ANK2: variants seen among roughly 807,000 people sequenced by gnomAD.
ANK2 encodes ankyrin 2.
A neutral mutation model predicts 360.5 loss-of-function variants in ANK2; 83 were observed. The ratio of observed to expected loss-of-function variants is 0.23; its 90% confidence interval spans 0.19 to 0.28. The LOEUF (loss-of-function observed/expected upper bound fraction) is 0.28. ANK2 is among the 10% of genes least tolerant of loss of function. The pLI, the probability that ANK2 is intolerant of heterozygous loss-of-function variation, is 1.00. For missense variants in ANK2, 4,201 were observed against 4,795.7 expected (o/e 0.88, Z 3.66); for synonymous variants, 1,740 against 1,759.5 (o/e 0.99, Z 0.28).
chr4:113,216,262 A>G (rs1227368500), intron 4 of ANK2, among the ~76,000 whole-genome samples: 2 of 152,244 alleles, frequency 1.3e-5, no homozygotes, highest in Non-Finnish European at 2.9e-5. Flanking sequence ...GAACTGTTTG[A>G]GGCCAAGCTA....
intron 1 of ANK2, among the ~76,000 whole-genome samples, chr4:112,832,909 T>A (rs2060110701): frequency 6.6e-6 from 1 of 152,230 alleles, no homozygotes. Flanking sequence ...CTGATTAAAT[T>A]GTTTGAAATT....
At chr4:113,227,010 T>G (rs1363426113) in intron 4 of ANK2, among the ~76,000 whole-genome samples, 1 of 152,212 alleles carries the variant, frequency 6.6e-6, no homozygotes. Flanking sequence ...AGCACCTGGA[T>G]GCATATACAC....
At chr4:112,746,982 A>G in the ANK2 span, among the ~76,000 whole-genome samples, 5 of 152,192 alleles carry the variant, frequency 3.3e-5, no homozygotes, top group Non-Finnish European at 7.3e-5. Context: ...TTCAATTTCT[A>G]TTATATTATT....
intron 1 of ANK2, among the ~76,000 whole-genome samples, chr4:112,885,372 G>A (rs1029397502): frequency 2.6e-5 from 4 of 151,764 alleles, no homozygotes; most frequent in Admixed American, 6.6e-5. Flanking sequence ...GGAGGCACGC[G>A]CCTGTAATCC....
At chr4:112,724,273 TA>T in the ANK2 span, among the ~76,000 whole-genome samples, 1 of 151,870 alleles carries the variant, frequency 6.6e-6, no homozygotes, top group African/African-American at 2.4e-5. Flanking sequence ...CCATGTTGGC[TA>T]GGCTGGTCTT....
At chr4:113,196,165 A>G (rs2098744396) in intron 2 of ANK2, among the ~76,000 whole-genome samples, 1 of 152,244 alleles carries the variant, frequency 6.6e-6, no homozygotes, top group East Asian at 1.9e-4. Context: ...GTTTCTAATG[A>G]ATACTTACCT....
chr4:113,120,962 A>G (rs568213158), intron 1 of ANK2, among the ~76,000 whole-genome samples: 3 of 152,344 alleles, frequency 2.0e-5, no homozygotes, highest in Non-Finnish European at 4.4e-5. Context: ...TTGTCCAATC[A>G]ATCATAATGT....
the ANK2 span, among the ~76,000 whole-genome samples, chr4:112,757,944 G>A: frequency 2.2e-5 from 3 of 137,360 alleles, no homozygotes; most frequent in Admixed American, 7.0e-5. Context: ...CAATGGCGCC[G>A]TCCTGGCCCA....
intron 4 of ANK2, among the ~76,000 whole-genome samples, chr4:113,201,059 G>T (rs559849120): frequency 6.6e-6 from 1 of 151,904 alleles, no homozygotes; most frequent in Non-Finnish European, 1.5e-5. Context: ...AAGAGTGAAG[G>T]TGTCGTTTTG....
At chr4:113,375,737 GA>G (rs1381936912) in intron 45 of ANK2, among the ~76,000 whole-genome samples, 82 of 147,742 alleles carry the variant, frequency 5.6e-4, no homozygotes, top group African/African-American at 1.9e-3. Context: ...AAAAAAAAAA[GA>G]AAAAAAAGAA....
At chr4:113,143,072 A>G in intron 1 of ANK2, among the ~76,000 whole-genome samples, 1 of 151,960 alleles carries the variant, frequency 6.6e-6, no homozygotes, top group Non-Finnish European at 1.5e-5. Flanking sequence ...TTGCGTCCCT[A>G]TCTGTGGTTG....
At chr4:113,105,678 A>G (rs1027102156) in intron 1 of ANK2, among the ~76,000 whole-genome samples, 2 of 152,178 alleles carry the variant, frequency 1.3e-5, no homozygotes, top group Non-Finnish European at 2.9e-5. Flanking sequence ...CCATGATCTG[A>G]CATGCTTCAC....
the ANK2 span, among the ~76,000 whole-genome samples, chr4:112,769,102 A>G: frequency 2.0e-5 from 3 of 152,142 alleles, 1 homozygote; most frequent in Non-Finnish European, 4.4e-5. Flanking sequence ...CTGGCTATAG[A>G]CTGGGTTAAG....
chr4:113,182,560 A>C (rs914603827), intron 2 of ANK2, among the ~76,000 whole-genome samples: 7 of 152,182 alleles, frequency 4.6e-5, no homozygotes, highest in Admixed American at 6.5e-5. Context: ...AATGGGAAAG[A>C]GTGTCCAGGG....
the ANK2 span, among the ~76,000 whole-genome samples, chr4:112,721,548 A>G: frequency 6.7e-6 from 1 of 150,100 alleles, no homozygotes; most frequent in Non-Finnish European, 1.5e-5. Flanking sequence ...TCTCAAAAAA[A>G]AAAAAAAAAA....
chr4:113,319,277 C>A (rs956981462), intron 26 of ANK2, among the ~76,000 whole-genome samples: 1 of 151,904 alleles, frequency 6.6e-6, no homozygotes, highest in Non-Finnish European at 1.5e-5. Flanking sequence ...TAAAGTTGTT[C>A]TTAAGGTGTT....
chr4:113,240,407 G>T, intron 7 of ANK2, 78 bp from the exon 8 acceptor site: 1 of 1,070,146 alleles, frequency 9.3e-7, no homozygotes, highest in South Asian at 1.3e-5. Context: ...TTTACCATGT[G>T]ACCTTCTTCA....
chr4:112,774,466 C>T, the ANK2 span, among the ~76,000 whole-genome samples: 1 of 152,160 alleles, frequency 6.6e-6, no homozygotes, highest in Non-Finnish European at 1.5e-5. Flanking sequence ...GCAGAGCTTG[C>T]AGTGAGCCGA....
intron 2 of ANK2, among the ~76,000 whole-genome samples, chr4:112,921,124 T>A (rs1393624856): frequency 6.7e-6 from 1 of 148,196 alleles, no homozygotes; most frequent in Non-Finnish European, 1.5e-5. Context: ...CGATCTCGGC[T>A]CAAACAATCC....
Sources: allele counts gnomAD v4.1 joint callset (sites outside exome capture counted in the v4.1 genomes callset), GRCh38; gene constraint gnomAD v4.1.1; transcripts MANE v1.5; gene names NCBI Gene and HGNC (gene_info 2026-07-23, HGNC 2026-07-21).